PCYT1B: variants seen among roughly 807,000 people sequenced by gnomAD.
PCYT1B encodes the protein phosphate cytidylyltransferase 1B, choline.
A neutral mutation model predicts 26.4 loss-of-function variants in PCYT1B; 10 were observed. The observed-to-expected ratio is 0.38, with a 90% CI of 0.23 to 0.64. The LOEUF (loss-of-function observed/expected upper bound fraction) is 0.64, where lower values mean the gene tolerates loss of function less well. PCYT1B is among the 30% of genes least tolerant of loss of function. PCYT1B has a pLI of 0.56. For synonymous variants in PCYT1B, 131 were observed against 108.4 expected (o/e 1.21, Z -1.29); for missense variants, 161 against 292.7 (o/e 0.55, Z 3.28).
At chrX:24,671,274 T>C (rs1927248795) in intron 1 of PCYT1B, among the ~76,000 whole-genome samples, 1 of 110,840 alleles carries the variant, frequency 9.0e-6, no homozygotes, top group African/African-American at 3.3e-5. Context: ...CTGGCCTACA[T>C]CTAGTTATTT....
rs189606606 is a variant in PCYT1B at position 24,569,748 on chromosome X, G to A, written c.897+5382C>T. Reference sequence around the variant, plus strand: ...TAGAAGGCTGGCTGCCAGGGGCTGGGGGCAGAAGGGGATAGGGAGCTCTTG... The same window carrying A: ...TAGAAGGCTGGCTGCCAGGGGCTGGAGGCAGAAGGGGATAGGGAGCTCTTG... On this transcript the variant is annotated intron_variant, in intron 7 of 7. Transcript: ENST00000379144. Among the ~76,000 whole-genome samples, 8 of 111,997 alleles carry A rather than the reference G, an allele frequency of 7.1e-5. No homozygotes were observed. In the Admixed American group the frequency reaches 7.6e-4, roughly 11 times the overall value.
intron 1 of PCYT1B, among the ~76,000 whole-genome samples, chrX:24,652,559 CAA>C (rs371573232): frequency 2.2e-5 from 2 of 90,002 alleles, no homozygotes. Flanking sequence ...AACTCCGTCT[CAA>C]AAAAAAAAAA....
intron 1 of PCYT1B, among the ~76,000 whole-genome samples, chrX:24,642,911 G>A (rs1231030545): frequency 3.6e-5 from 4 of 112,043 alleles, no homozygotes; most frequent in Non-Finnish European, 7.5e-5. Context: ...CAAGACAGCA[G>A]TCTCTTGGCA....
chrX:24,663,509 CCTT>C (rs1927068093), intron 1 of PCYT1B, among the ~76,000 whole-genome samples: 1 of 112,480 alleles, frequency 8.9e-6, no homozygotes, highest in Non-Finnish European at 1.9e-5. Context: ...TGCAAAGAGC[CCTT>C]CTTGTTATCT....
chrX:24,588,065 A>T (rs1569241226), intron 4 of PCYT1B, among the ~76,000 whole-genome samples: 4 of 111,893 alleles, frequency 3.6e-5, no homozygotes, highest in African/African-American at 9.7e-5. Flanking sequence ...TGGCACTTTT[A>T]TTTTATTTAT....
At position 24,570,190 on chromosome X, in the gene PCYT1B, A is replaced by G. The variant is rs1413844516; in HGVS notation, c.897+4940T>C. ...AGACAAGAGCAAGGCTCAGTCTCAG[A>G]AAAAAAAAAAAAAAAAAGGTTAAAA... On this transcript the variant is annotated intron_variant, in intron 7 of 7. Transcript: ENST00000379144. Among the ~76,000 whole-genome samples, 4 of 94,154 alleles carry G rather than the reference A, an allele frequency of 4.2e-5. No homozygotes were observed. The South Asian group carries it at 1.5e-3, about 34-fold the overall frequency. The allele number at this position is 94,154 out of a possible 115,157, so 81.8% of individuals were successfully genotyped here. A position where few individuals can be genotyped will look rare whatever the true frequency, so the allele number is the denominator to read the frequency against.
intron 1 of PCYT1B, among the ~76,000 whole-genome samples, chrX:24,634,100 G>A (rs1244220060): frequency 9.1e-6 from 1 of 110,443 alleles, no homozygotes; most frequent in Non-Finnish European, 1.9e-5. Flanking sequence ...AAAAAATTTT[G>A]TAGAGATAGT....
intron 1 of PCYT1B, among the ~76,000 whole-genome samples, chrX:24,646,640 G>C (rs770820233): frequency 9.0e-6 from 1 of 110,948 alleles, no homozygotes; most frequent in East Asian, 2.8e-4. Flanking sequence ...GACTCTTCCC[G>C]AGCTTGGTAA....
chrX:24,642,603 T>A (rs995266030), intron 1 of PCYT1B, among the ~76,000 whole-genome samples: 2 of 112,103 alleles, frequency 1.8e-5, no homozygotes, highest in African/African-American at 6.5e-5. Flanking sequence ...CTGACTAGTA[T>A]CAATTTGCAA....
chrX:24,651,533 TA>T (rs1273018904), upstream of PCYT1B, among the ~76,000 whole-genome samples: 22 of 88,984 alleles, frequency 2.5e-4, no homozygotes, highest in African/African-American at 8.1e-4. Context: ...GAGCATATAT[TA>T]TTCTTTTTTT....
intron 1 of PCYT1B, among the ~76,000 whole-genome samples, chrX:24,669,455 G>A (rs1927192344): frequency 1.1e-5 from 1 of 93,250 alleles, no homozygotes; most frequent in Non-Finnish European, 2.0e-5. Context: ...AGCCGAGATC[G>A]TGCCATTGCT....
rs1299858614 is a variant in PCYT1B at position 24,647,292 on chromosome X, T to C, written c.-187A>G. On this transcript the variant is annotated 5_prime_UTR_variant, in exon 1 of 8. Coordinates refer to ENST00000379144, the MANE Select transcript of PCYT1B (RefSeq NM_004845.5). ...CCCCGCCCCTCTCTCTCTCTCTCTC[T>C]CCCAGAAGCCAAGAGGCAAGGCCTC... 1.0e-5 allele frequency: 10 copies of C among 956,954 alleles called. No homozygotes were observed. Among genetic ancestry groups the C allele is most frequent in the Non-Finnish European group, 1.3e-5 (10 of 759,603 alleles). The allele number at this position is 956,954 out of a possible 1,213,427, so 78.9% of individuals were successfully genotyped here.
intron 1 of PCYT1B, among the ~76,000 whole-genome samples, chrX:24,666,153 C>T (rs1927123034): frequency 9.0e-6 from 1 of 111,092 alleles, no homozygotes; most frequent in Admixed American, 9.6e-5. Context: ...GGGTTGAAAC[C>T]CACTCATTCT....
intron 1 of PCYT1B, among the ~76,000 whole-genome samples, chrX:24,622,051 G>A (rs780645079): frequency 1.8e-5 from 2 of 112,383 alleles, no homozygotes; most frequent in Non-Finnish European, 3.7e-5. Context: ...CTAAATGTGC[G>A]AATGTGTTTG....
chrX:24,621,803 T>A, intron 1 of PCYT1B: 1 of 643,758 alleles, frequency 1.6e-6, no homozygotes. Flanking sequence ...AGATCTTGTA[T>A]GTGCTACTCA....
At chrX:24,659,926 G>T (rs967054512) in intron 1 of PCYT1B, among the ~76,000 whole-genome samples, 1 of 111,583 alleles carries the variant, frequency 9.0e-6, no homozygotes, top group East Asian at 2.8e-4. Context: ...TGGGGGACAC[G>T]TTCAAACCAT....
chrX:24,597,446 A>G (rs1924824567), intron 3 of PCYT1B, among the ~76,000 whole-genome samples: 1 of 112,154 alleles, frequency 8.9e-6, no homozygotes, highest in Non-Finnish European at 1.9e-5. Context: ...AAAGGTATCC[A>G]TGAACAGCTA....
rs777350873 is a variant in PCYT1B at position 24,647,139 on chromosome X, CAG to C, written c.-36_-35del. On this transcript the variant is annotated 5_prime_UTR_variant, in exon 1 of 8. Transcript: ENST00000379144. ...AATGCTCCCTCTAGCTCTACACCCTCAGAGAGTCTCCTCCCAGGCAGAGAATG... is the reference window on the plus strand; with the variant it reads ...AATGCTCCCTCTAGCTCTACACCCTCAGAGTCTCCTCCCAGGCAGAGAATG... 2.5e-6 allele frequency: 3 copies of C among 1,202,156 alleles called. No homozygotes were observed. The highest frequency in any genetic ancestry group is 3.0e-5 in the East Asian group (1 of 33,534).
chrX:24,645,655 A>C (rs1278906632), intron 1 of PCYT1B, among the ~76,000 whole-genome samples: 2 of 112,104 alleles, frequency 1.8e-5, no homozygotes, highest in Non-Finnish European at 3.8e-5. Context: ...TAACAAACTT[A>C]TTGGGATGGT....
Sources: gnomAD v4.1 joint callset for allele counts (sites outside exome capture counted in the v4.1 genomes callset) on GRCh38, gnomAD v4.1.1 for gene constraint, MANE v1.5 for transcripts, NCBI Gene and HGNC (gene_info 2026-07-23, HGNC 2026-07-21) for gene names.